Variants in CAPS2 observed in about 807,000 individuals in gnomAD.
CAPS2 encodes the protein calcyphosine 2.
CAPS2 carries 98 observed loss-of-function variants against 86.5 expected under a neutral mutation model. The ratio of observed to expected loss-of-function variants is 1.13; its 90% CI spans 0.96 to 1.34. The LOEUF (loss-of-function observed/expected upper bound fraction) is 1.34, where lower values mean the gene tolerates loss of function less well. Ranked by LOEUF, CAPS2 falls within the 40% of genes most tolerant of loss-of-function variation. CAPS2 has a pLI of 0.00. For synonymous variants in CAPS2, 210 were observed against 225.1 expected, an observed-to-expected ratio of 0.93 and a Z score of 0.60; for missense variants, 729 against 686.8, an observed-to-expected ratio of 1.06 and a Z score of -0.69.
chr12:75,354,166 A>AGCG (rs2042992648), intron 1 of CAPS2, among the ~76,000 whole-genome samples: 2 of 122,834 alleles, frequency 1.6e-5, no homozygotes, highest in African/African-American at 6.7e-5. Flanking sequence ...GAGAAAAAAA[A>AGCG]GGGGGGGGGG....
At chr12:75,334,780 G>A, upstream of CAPS2, 1 of 1,613,550 alleles carries the variant, frequency 6.2e-7, no homozygotes. Flanking sequence ...TCTGTGTTTG[G>A]TAGCCACTAC....
At chr12:75,327,361 G>A (rs893372839), upstream of CAPS2, among the ~76,000 whole-genome samples, 34 of 152,160 alleles carry the variant, frequency 2.2e-4, no homozygotes, top group Non-Finnish European at 1.3e-4. Context: ...TAGTAATAAT[G>A]TGGTGATTGG....
intron 1 of CAPS2, among the ~76,000 whole-genome samples, chr12:75,354,520 T>C (rs959292791): frequency 6.6e-6 from 1 of 152,210 alleles, no homozygotes; most frequent in Non-Finnish European, 1.5e-5. Flanking sequence ...TGTTCATGGA[T>C]AGTAAGAATC....
chr12:75,347,541 A>G, intron 1 of CAPS2: 3 of 815,570 alleles, frequency 3.7e-6, no homozygotes, highest in Non-Finnish European at 6.1e-6. Flanking sequence ...TAGCATGACA[A>G]AGATTATACC....
At chr12:75,371,030 A>G (rs1483816544) in intron 1 of CAPS2, 2 of 152,212 alleles carry the variant, frequency 1.3e-5, no homozygotes, top group African/African-American at 2.4e-5. Context: ...CAGAACTACT[A>G]GGTTATATGC....
intron 5 of CAPS2, among the ~76,000 whole-genome samples, chr12:75,316,651 T>C (rs1403797993): frequency 6.6e-6 from 1 of 152,072 alleles, no homozygotes; most frequent in African/African-American, 2.4e-5. Flanking sequence ...ATAGATAAAA[T>C]GCGAATTAAT....
chr12:75,306,091 C>T, intron 7 of CAPS2: 2 of 1,442,070 alleles, frequency 1.4e-6, no homozygotes, highest in South Asian at 1.2e-5. Context: ...GGGCTGCGGC[C>T]CTGGAAGAAG....
At chr12:75,310,884 T>C (rs574163514) in intron 7 of CAPS2, among the ~76,000 whole-genome samples, 1 of 152,186 alleles carries the variant, frequency 6.6e-6, no homozygotes, top group Non-Finnish European at 1.5e-5. Context: ...AAAGGGCAAA[T>C]GGAAACACAT....
intron 8 of CAPS2, among the ~76,000 whole-genome samples, chr12:75,300,925 G>A (rs1334544624): frequency 2.0e-5 from 3 of 152,218 alleles, no homozygotes; most frequent in Non-Finnish European, 2.9e-5. Flanking sequence ...TTTCAGTGAT[G>A]TGTAGCTGAA....
chr12:75,292,861 A>G (rs558587362), intron 12 of CAPS2, among the ~76,000 whole-genome samples: 1 of 151,008 alleles, frequency 6.6e-6, no homozygotes, highest in Non-Finnish European at 1.5e-5. Flanking sequence ...AGCATATGGG[A>G]CCCTCAGACT....
intron 1 of CAPS2, chr12:75,369,558 T>C (rs1261223610): frequency 7.1e-6 from 7 of 983,684 alleles, no homozygotes; most frequent in Non-Finnish European, 8.4e-6. Context: ...CATCGAGAAA[T>C]ATTTGGAGTA....
chr12:75,352,164 C>T (rs1423914118), intron 1 of CAPS2, among the ~76,000 whole-genome samples: 3 of 152,168 alleles, frequency 2.0e-5, no homozygotes, highest in African/African-American at 4.8e-5. Flanking sequence ...ACTATACTAA[C>T]GTTAAATGTA....
At chr12:75,285,181 T>A in intron 14 of CAPS2, 101 bp from the exon 15 acceptor site, 1 of 1,062,780 alleles carries the variant, frequency 9.4e-7, no homozygotes, top group Non-Finnish European at 1.3e-6. Context: ...GTCCTAGATA[T>A]AACTCATTTA....
chr12:75,371,516 G>T, intron 1 of CAPS2: 1 of 311,912 alleles, frequency 3.2e-6, no homozygotes, highest in Non-Finnish European at 6.5e-6. Context: ...ACCATCACAA[G>T]TCCACCCCTT....
At chr12:75,305,880 C>A (rs1482016070) in intron 7 of CAPS2, 1 of 788,044 alleles carries the variant, frequency 1.3e-6, no homozygotes, top group Admixed American at 1.8e-5. Context: ...AGAGGCTGAC[C>A]AGGCTGCACC....
intron 1 of CAPS2, among the ~76,000 whole-genome samples, chr12:75,358,472 C>G (rs1451085310): frequency 6.6e-6 from 1 of 151,192 alleles, no homozygotes; most frequent in Non-Finnish European, 1.5e-5. Context: ...ATATGATTAT[C>G]TCAATAGATT....
chr12:75,379,401 T>G (rs1210395186), intron 1 of CAPS2, among the ~76,000 whole-genome samples: 1 of 152,214 alleles, frequency 6.6e-6, no homozygotes, highest in African/African-American at 2.4e-5. Context: ...GAGAAAATTC[T>G]GGGCCAAGGA....
At chr12:75,330,148 T>A (rs2041168847), upstream of CAPS2, 1 of 323,248 alleles carries the variant, frequency 3.1e-6, no homozygotes, top group Non-Finnish European at 5.6e-6. Flanking sequence ...AAGTCCCTTG[T>A]TCGTTCTACG....
At chr12:75,384,475 G>C (rs1323991016) in intron 1 of CAPS2, among the ~76,000 whole-genome samples, 2 of 151,970 alleles carry the variant, frequency 1.3e-5, no homozygotes, top group African/African-American at 2.4e-5. Flanking sequence ...AATCTGAAGA[G>C]GCCTATTCCT....
Sources: allele counts gnomAD v4.1 joint callset (sites outside exome capture counted in the v4.1 genomes callset), GRCh38; gene constraint gnomAD v4.1.1; transcripts MANE v1.5; gene names NCBI Gene and HGNC (gene_info 2026-07-23, HGNC 2026-07-21).